The following CTNNA3 variants were observed in gnomAD, a reference collection of about 807,000 sequenced individuals.
CTNNA3 encodes the protein catenin alpha 3.
A neutral mutation model predicts 95.7 loss-of-function variants in CTNNA3; 76 were observed. The ratio of observed to expected loss-of-function variants is 0.79; its 90% confidence interval spans 0.66 to 0.96. CTNNA3 has a LOEUF of 0.96. Among genes scored for constraint, CTNNA3 ranks in the 40% least tolerant of loss-of-function variants. CTNNA3 has a pLI of 0.00. For synonymous variants in CTNNA3, 431 were observed against 374.4 expected (o/e 1.15, Z -1.74); for missense variants, 1,191 against 1,089.8 (o/e 1.09, Z -1.31).
intron 7 of CTNNA3, among the ~76,000 whole-genome samples, chr10:67,079,383 T>A (rs991058710): frequency 6.6e-6 from 1 of 152,224 alleles, no homozygotes; most frequent in African/African-American, 2.4e-5. Context: ...AGTTCCTAGA[T>A]ATAATATCTA....
intron 7 of CTNNA3, among the ~76,000 whole-genome samples, chr10:66,959,768 A>G (rs1849016793): frequency 6.6e-6 from 1 of 152,120 alleles, no homozygotes; most frequent in Admixed American, 6.6e-5. Flanking sequence ...TCCTAGCTTT[A>G]ATTTTCTCTC....
intron 12 of CTNNA3, among the ~76,000 whole-genome samples, chr10:66,372,112 G>GT (rs2092758905): frequency 6.6e-6 from 1 of 152,122 alleles, no homozygotes; most frequent in South Asian, 2.1e-4. Flanking sequence ...CAGTCTGCCA[G>GT]TTTTTTCTTC....
chr10:66,374,806 G>A (rs946793631), intron 12 of CTNNA3, among the ~76,000 whole-genome samples: 8 of 151,504 alleles, frequency 5.3e-5, no homozygotes, highest in South Asian at 2.1e-4. Flanking sequence ...TTCTAGAGAC[G>A]GGGTTTCACC....
chr10:66,501,416 A>G (rs1251808787), intron 11 of CTNNA3, among the ~76,000 whole-genome samples: 1 of 152,102 alleles, frequency 6.6e-6, no homozygotes, highest in Non-Finnish European at 1.5e-5. Context: ...ATTTTAACAC[A>G]CTGTAATTAT....
chr10:66,851,633 TACACACAC>T lies in CTNNA3; in HGVS notation c.1048-76117_1048-76110del, dbSNP rs35986426. ...CACCCACCTCTCTCTTTCTCTCACATACACACACACACACACACACACACACACACACA... is the reference window on the plus strand; with the variant it reads ...CACCCACCTCTCTCTTTCTCTCACATACACACACACACACACACACACACA... On this transcript the variant is annotated intron_variant, in intron 7 of 17. Coordinates refer to ENST00000433211, the MANE Select transcript of CTNNA3 (RefSeq NM_013266.4). 6.2e-4 allele frequency among the ~76,000 whole-genome samples: 90 copies of T among 144,486 alleles called. 1 individual carries two copies. The highest frequency in any genetic ancestry group is 2.0e-3 in the African/African-American group (77 of 38,880). The allele number at this position is 144,486 out of a possible 152,430, so 94.8% of individuals were successfully genotyped here.
chr10:66,706,457 C>T (rs1354138887), intron 9 of CTNNA3, among the ~76,000 whole-genome samples: 1 of 150,938 alleles, frequency 6.6e-6, no homozygotes, highest in Non-Finnish European at 1.5e-5. Flanking sequence ...CATTTTCTGT[C>T]TCCAAAGACA....
intron 7 of CTNNA3, among the ~76,000 whole-genome samples, chr10:67,139,766 T>C (rs1042789775): frequency 1.3e-5 from 2 of 152,180 alleles, no homozygotes; most frequent in African/African-American, 4.8e-5. Flanking sequence ...TTAGTGAATA[T>C]TGAAATAAGG....
chr10:66,757,334 CTATACTTCTATTAGGAACTCAA>C (rs1203403513), intron 9 of CTNNA3, among the ~76,000 whole-genome samples: 1 of 152,050 alleles, frequency 6.6e-6, no homozygotes, highest in African/African-American at 2.4e-5. Context: ...CCCTTCGAGT[CTATACTTCTATTAGGAACTCAA>C]TAGCCTATTG....
intron 9 of CTNNA3, among the ~76,000 whole-genome samples, chr10:66,745,755 A>ATT (rs34185477): frequency 0.016 from 2,109 of 128,136 alleles, 35 homozygotes; most frequent in South Asian, 0.066. Context: ...ACACCTCGCT[A>ATT]TTTTTTTTTT....
chr10:66,620,495 T>C (rs1477544546), intron 10 of CTNNA3, among the ~76,000 whole-genome samples: 1 of 152,208 alleles, frequency 6.6e-6, no homozygotes. Flanking sequence ...GAGAGATACT[T>C]AATCCTCTTC....
intron 15 of CTNNA3, among the ~76,000 whole-genome samples, chr10:65,995,781 G>C (rs144359317): frequency 5.1e-4 from 77 of 152,308 alleles, no homozygotes; most frequent in African/African-American, 1.8e-3. Context: ...TGGCTGTGAT[G>C]AGCTGGGTGG....
chr10:66,761,652 T>A (rs1487643515), intron 9 of CTNNA3, among the ~76,000 whole-genome samples: 2 of 152,154 alleles, frequency 1.3e-5, no homozygotes, highest in East Asian at 3.8e-4. Context: ...ATAGCCTTTT[T>A]AATAATAAAT....
intron 7 of CTNNA3, chr10:66,926,968 ATAGCC>A (rs1847118084): frequency 1.2e-6 from 2 of 1,613,836 alleles, no homozygotes; most frequent in Non-Finnish European, 1.7e-6. Context: ...AGCACTGGTT[ATAGCC>A]CCCACTGTCT....
intron 5 of CTNNA3, among the ~76,000 whole-genome samples, chr10:67,335,664 T>C (rs533316737): frequency 1.1e-3 from 166 of 152,344 alleles, no homozygotes; most frequent in African/African-American, 3.7e-3. Context: ...GTGTTTTGAG[T>C]CTTTACTTAG....
At chr10:66,420,022 C>G (rs1249920847) in intron 11 of CTNNA3, among the ~76,000 whole-genome samples, 2 of 151,756 alleles carry the variant, frequency 1.3e-5, no homozygotes, top group African/African-American at 4.8e-5. Flanking sequence ...ACAAATGGAA[C>G]AAAAATAGAC....
intron 7 of CTNNA3, among the ~76,000 whole-genome samples, chr10:66,853,758 T>C (rs1223521758): frequency 1.3e-5 from 2 of 152,020 alleles, no homozygotes; most frequent in Non-Finnish European, 2.9e-5. Flanking sequence ...TCCCAAGCAA[T>C]CATTTTATTT....
At chr10:66,977,280 C>G (rs180799236) in intron 7 of CTNNA3, among the ~76,000 whole-genome samples, 6 of 151,872 alleles carry the variant, frequency 4.0e-5, no homozygotes, top group African/African-American at 1.4e-4. Flanking sequence ...CTACTAAAAA[C>G]AAAAAATTAG....
intron 7 of CTNNA3, among the ~76,000 whole-genome samples, chr10:67,146,310 G>A (rs1437108220): frequency 2.0e-5 from 3 of 152,124 alleles, no homozygotes; most frequent in Non-Finnish European, 4.4e-5. Flanking sequence ...CATAGAAATT[G>A]TCTAAGTGCT....
intron 2 of CTNNA3, among the ~76,000 whole-genome samples, chr10:67,641,116 G>T (rs186578914): frequency 1.1e-3 from 169 of 152,040 alleles, no homozygotes; most frequent in African/African-American, 3.8e-3. Context: ...TCTGACAAAG[G>T]GCTAATATCC....
Sources: gnomAD v4.1 joint callset for allele counts (sites outside exome capture counted in the v4.1 genomes callset) on GRCh38, gnomAD v4.1.1 for gene constraint, MANE v1.5 for transcripts, NCBI Gene and HGNC (gene_info 2026-07-23, HGNC 2026-07-21) for gene names.